The following FAM185A variants were observed in gnomAD, a reference collection of about 807,000 sequenced individuals.
The protein encoded by FAM185A is family with sequence similarity 185 member A.
In FAM185A, 21 loss-of-function variants were observed where a neutral mutation model predicts 45.7. The observed-to-expected ratio is 0.46, with a 90% CI of 0.33 to 0.66. The LOEUF is 0.66. Ranked by LOEUF, FAM185A falls within the 30% of genes least tolerant of loss-of-function variation. The pLI, the probability that FAM185A is intolerant of heterozygous loss-of-function variation, is 0.03. For synonymous variants in FAM185A, 117 were observed against 194.0 expected (o/e 0.60, Z 3.30); for missense variants, 305 against 485.4 (o/e 0.63, Z 3.49).
chr7:102,842,321 A>G, the FAM185A span, among the ~76,000 whole-genome samples: 1 of 152,210 alleles, frequency 6.6e-6, no homozygotes, highest in Non-Finnish European at 1.5e-5. Flanking sequence ...TTACTGAATG[A>G]CTTAATCTTG....
At chr7:102,760,597 AT>A (rs1442842305) in intron 3 of FAM185A, among the ~76,000 whole-genome samples, 1 of 152,062 alleles carries the variant, frequency 6.6e-6, no homozygotes. Flanking sequence ...TATTTTAAAA[AT>A]ATCTATAGCA....
chr7:102,772,607 C>T (rs1794821385), intron 5 of FAM185A, among the ~76,000 whole-genome samples, 157 bp downstream of exon 5: 1 of 151,670 alleles, frequency 6.6e-6, no homozygotes, highest in East Asian at 1.9e-4. Context: ...TAATTATGTC[C>T]ACTCGAAGAA....
intron 4 of FAM185A, among the ~76,000 whole-genome samples, chr7:102,762,911 A>G (rs1794193143): frequency 7.1e-6 from 1 of 141,236 alleles, no homozygotes; most frequent in Admixed American, 7.3e-5. Flanking sequence ...ATAATTTAAA[A>G]GTGACTTTTA....
chr7:102,833,110 T>TA, the FAM185A span: 1 of 888,276 alleles, frequency 1.1e-6, no homozygotes, highest in African/African-American at 1.7e-5. Context: ...AAAAATAATT[T>TA]AAAAAACCCA....
At chr7:102,824,837 T>A in the FAM185A span, among the ~76,000 whole-genome samples, 1 of 147,724 alleles carries the variant, frequency 6.8e-6, no homozygotes, top group African/African-American at 2.5e-5. Context: ...TTTCCCAGGC[T>A]GGCCTGGAAC....
Position 102,787,454 on chromosome 7 carries a change from G to T in FAM185A, c.1051G>T (p.Val351Phe). The change falls in exon 7 of 8, where the codon GTT (valine) becomes TTT (phenylalanine). Residue 351 changes from valine to phenylalanine, a missense_variant. Physicochemically the swap from Val to Phe is conservative, Grantham distance 50 (BLOSUM62 -1). Transcript: ENST00000413034. Reference protein sequence around the residue: ...QEMAEVRKDDVVTVTGLMNQA... With the variant: ...QEMAEVRKDDFVTVTGLMNQA... ...AATGGCTGAAGTTCGTAAAGATGAT[G>T]TTGTAACAGTGACTGGTAAGGAGGC... 1.3e-6 allele frequency: 2 copies of T among 1,521,500 alleles called. No individual in the cohort carries two copies. The highest frequency in any genetic ancestry group is 1.8e-6 in the Non-Finnish European group (2 of 1,125,836). The allele number at this position is 1,521,500 out of a possible 1,614,324, so 94.2% of individuals were successfully genotyped here.
At chr7:102,782,627 C>T (rs538302472) in intron 6 of FAM185A, among the ~76,000 whole-genome samples, 98 of 152,236 alleles carry the variant, frequency 6.4e-4, no homozygotes, top group Non-Finnish European at 1.2e-3. Context: ...AACAGGCCGC[C>T]CCTAAAACAG....
the FAM185A span, among the ~76,000 whole-genome samples, chr7:102,819,275 T>C: frequency 6.6e-6 from 1 of 152,178 alleles, no homozygotes; most frequent in Non-Finnish European, 1.5e-5. Flanking sequence ...TTTCTGATCA[T>C]AGTTGTTACT....
At chr7:102,769,700 C>T (rs1480582665) in intron 4 of FAM185A, among the ~76,000 whole-genome samples, 1 of 152,030 alleles carries the variant, frequency 6.6e-6, no homozygotes, top group East Asian at 1.9e-4. Context: ...TATTACAGTT[C>T]TGGAGGCTGA....
the FAM185A span, among the ~76,000 whole-genome samples, chr7:102,828,917 G>T: frequency 6.6e-6 from 1 of 152,098 alleles, no homozygotes; most frequent in Non-Finnish European, 1.5e-5. Context: ...GTAGCCTTGG[G>T]CACACCCAGT....
intron 7 of FAM185A, among the ~76,000 whole-genome samples, chr7:102,795,232 A>C (rs1393110272): frequency 1.2e-4 from 18 of 152,202 alleles, no homozygotes; most frequent in Admixed American, 1.3e-4. Flanking sequence ...CCTGGTTTTG[A>C]TAGTGCAGTA....
chr7:102,785,569 A>G (rs1408758461), intron 6 of FAM185A, among the ~76,000 whole-genome samples: 5 of 151,776 alleles, frequency 3.3e-5, no homozygotes, highest in Non-Finnish European at 7.4e-5. Flanking sequence ...GACAAAAACA[A>G]GCAATGGGGA....
intron 7 of FAM185A, among the ~76,000 whole-genome samples, chr7:102,788,158 AG>A: frequency 6.6e-6 from 1 of 152,098 alleles, no homozygotes; most frequent in Admixed American, 6.6e-5. Flanking sequence ...TAATAGAGAC[AG>A]GGTTTTACCA....
intron 4 of FAM185A, among the ~76,000 whole-genome samples, chr7:102,764,839 C>T (rs1389279310): frequency 3.3e-5 from 5 of 151,718 alleles, no homozygotes; most frequent in Admixed American, 1.3e-4. Context: ...AAAAAAAAAT[C>T]CAACATATAG....
At chr7:102,776,710 A>AAAAAAAG (rs1284089260) in intron 5 of FAM185A, among the ~76,000 whole-genome samples, 2 of 151,420 alleles carry the variant, frequency 1.3e-5, no homozygotes, top group African/African-American at 4.9e-5. Context: ...TCTAAAAAAA[A>AAAAAAAG]AAAAAAAAAG....
the FAM185A span, among the ~76,000 whole-genome samples, chr7:102,849,993 GTT>G: frequency 8.6e-4 from 130 of 150,422 alleles, no homozygotes; most frequent in African/African-American, 2.6e-3. Context: ...CATGTATCCT[GTT>G]TTGTTTTGTT....
At chr7:102,832,270 C>T in the FAM185A span, among the ~76,000 whole-genome samples, 6 of 152,166 alleles carry the variant, frequency 3.9e-5, no homozygotes, top group Non-Finnish European at 8.8e-5. Context: ...CTTGGAGTGT[C>T]AAACTGGAAC....
chr7:102,785,068 TC>T (rs1388501683), intron 6 of FAM185A, among the ~76,000 whole-genome samples: 1 of 152,116 alleles, frequency 6.6e-6, no homozygotes, highest in Non-Finnish European at 1.5e-5. Context: ...ATGAGTGAAC[TC>T]CCATTTACAA....
chr7:102,785,031 T>C (rs199970642), intron 6 of FAM185A, among the ~76,000 whole-genome samples: 29,605 of 147,320 alleles, frequency 0.2, 3,337 homozygotes, highest in East Asian at 0.53. Flanking sequence ...CATTCTTATA[T>C]ACCGATAACA....
Sources: allele counts gnomAD v4.1 joint callset (sites outside exome capture counted in the v4.1 genomes callset), GRCh38; gene constraint gnomAD v4.1.1; transcripts MANE v1.5; gene names NCBI Gene and HGNC (gene_info 2026-07-23, HGNC 2026-07-21).